The following MYPOP variants were observed in gnomAD, a reference collection of about 807,000 sequenced individuals.
The protein encoded by MYPOP is Myb related transcription factor, partner of profilin.
A neutral mutation model predicts 25.7 loss-of-function variants in MYPOP; 21 were observed. The ratio of observed to expected loss-of-function variants is 0.82; its 90% CI spans 0.58 to 1.18. MYPOP has a LOEUF of 1.18. MYPOP is among the 50% of genes most tolerant of loss of function. The pLI is 0.00. For missense variants in MYPOP, 566 were observed against 588.3 expected (o/e 0.96, Z 0.39); for synonymous variants, 280 against 247.9 (o/e 1.13, Z -1.22).
Position 45,901,206 on chromosome 19 carries a change from A to C in MYPOP, c.499+69T>G. ...AGCATCCACCTCACAGGGCTGCAGC[A>C]AGGCTTTGATGAGACATGTAAAAGG... On this transcript the variant is annotated intron_variant, in intron 2 of 2. Transcript: ENST00000322217. The surrounding 1 kb of genome is among the most constrained non-coding windows in gnomAD (Gnocchi z 5.7). The C allele has an allele frequency of 1.5e-6, 2 of 1,344,886 alleles. No individual in the cohort carries two copies. Among genetic ancestry groups the C allele is most frequent in the Non-Finnish European group, 1.9e-6 (2 of 1,036,074 alleles). 83.3% of individuals were successfully genotyped at this position (1,344,886 alleles called of 1,614,324 possible). A position where few individuals can be genotyped will look rare whatever the true frequency, so the allele number is the denominator to read the frequency against.
chr19:45,890,882 G>T lies in MYPOP; in HGVS notation c.941C>A (p.Pro314Gln). The T allele has an allele frequency of 7.0e-7, 1 of 1,425,604 alleles. No individual in the cohort carries two copies. The highest frequency in any genetic ancestry group is 9.2e-7 in the Non-Finnish European group (1 of 1,090,626). 88.3% of individuals were successfully genotyped at this position (1,425,604 alleles called of 1,614,324 possible). A position where few individuals can be genotyped will look rare whatever the true frequency, so the allele number is the denominator to read the frequency against. ...DSLPPPLPPP[P>Q]PPPPPPRPVL... The stretch of plus-strand genomic sequence containing the variant: ...AGGCCTGGGAGGTGGCGGTGGGGGT[G>T]GGGGTGGGGGCAGAGGTGGAGGCAG... Residue 314 changes from proline to glutamine, a missense_variant, in exon 3 of 3, where the codon CCA becomes CAA. Transcript: ENST00000322217.
In MYPOP at chr19:45,901,352, G is replaced by C. The variant is rs1404519514; in HGVS notation, c.422C>G (p.Ser141Cys). Residue 141 changes from serine to cysteine, a missense_variant, in exon 2 of 3, where the codon TCT becomes TGT. Coordinates refer to ENST00000322217, the MANE Select transcript of MYPOP (RefSeq NM_001012643.4). The surrounding 1 kb of genome is among the most constrained non-coding windows in gnomAD (Gnocchi z 5.7). ...AGAEEPPAAP[S>C]SQPPPPSACP... ...GGCGCTTGGGGGCGGCGGCTGTGAA[G>C]AGGGGGCCGCAGGGGGCTCCTCCGC... is the stretch of plus-strand genomic sequence containing the variant. 21 of 1,463,698 alleles carry C rather than the reference G, an allele frequency of 1.4e-5. No individual in the cohort carries two copies. Among genetic ancestry groups the C allele is most frequent in the Non-Finnish European group, 1.5e-5 (17 of 1,109,074 alleles). The allele number at this position is 1,463,698 out of a possible 1,614,324, so 90.7% of individuals were successfully genotyped here.
Position 45,901,953 on chromosome 19 carries a change from C to A in MYPOP, c.-52-128G>T, listed in dbSNP as rs1967304906. 1 of 414,358 alleles carries A rather than the reference C, an allele frequency of 2.4e-6. No homozygotes were observed. The allele number at this position is 414,358 out of a possible 1,614,324, so 25.7% of individuals were successfully genotyped here. On this transcript the variant is annotated intron_variant, in intron 1 of 2. Coordinates refer to ENST00000322217, the MANE Select transcript of MYPOP (RefSeq NM_001012643.4). This position sits in a 1 kb window ranked among gnomAD's most constrained non-coding sequence, Gnocchi z 5.7. The stretch of plus-strand genomic sequence containing the variant: ...AGTGGGGGCGGGGGGCGGGCGGGGG[C>A]GACGGGCACCCGGGTAAGTCGGAAG...
At chr19:45,896,670 C>G (rs1020041074) in intron 2 of MYPOP, among the ~76,000 whole-genome samples, 1 of 148,804 alleles carries the variant, frequency 6.7e-6, no homozygotes, top group African/African-American at 2.5e-5. Context: ...CCAGGCCGGA[C>G]TGCGGACTGC....
At position 45,901,392 on chromosome 19, in the gene MYPOP, C is replaced by T. The variant is rs1967290501; in HGVS notation, c.382G>A (p.Gly128Arg). Residue 128 changes from glycine to arginine, a missense_variant, in exon 2 of 3, where the codon GGG (glycine) becomes AGG (arginine). Transcript: ENST00000322217. This position sits in a 1 kb window ranked among gnomAD's most constrained non-coding sequence, Gnocchi z 5.7. ...GGCTCCTCCGCCCCAGCACCTGCCC[C>T]CGGCGCCGCCACACCTGGCCCCAGG... is the stretch of plus-strand genomic sequence containing the variant. ...AILGPGVAAP[G>R]AGAGAEEPPA... The T allele has an allele frequency of 1.3e-6, 2 of 1,518,976 alleles. No homozygotes were observed. The highest frequency in any genetic ancestry group is 1.4e-5 in the African/African-American group (1 of 71,254). The allele number at this position is 1,518,976 out of a possible 1,614,324, so 94.1% of individuals were successfully genotyped here.
At position 45,901,444 on chromosome 19, in the gene MYPOP, G is replaced by A. The variant is rs765637515; in HGVS notation, c.330C>T (p.Ser110=). The change falls in exon 2 of 3, where the codon TCC becomes TCT. Residue 110 remains serine, a synonymous_variant. Coordinates refer to ENST00000322217, the MANE Select transcript of MYPOP (RefSeq NM_001012643.4). The surrounding 1 kb of genome is among the most constrained non-coding windows in gnomAD (Gnocchi z 5.7). The part of the protein sequence containing the change: ...GAGPAAEDAF[S]AEEETIFAIL... ...TGGCAAAAATGGTCTCCTCTTCCGC[G>A]GAGAAAGCGTCCTCCGCGGCGGGCC... 6.9e-6 allele frequency: 11 copies of A among 1,592,516 alleles called. No individual in the cohort carries two copies. The Admixed American group carries it at 1.9e-4, about 28-fold the overall frequency.
In MYPOP at chr19:45,901,315, G is replaced by C. The variant is rs759116660; in HGVS notation, c.459C>G (p.Arg153=). Reference sequence around the variant, plus strand: ...CCCGGCGGTCTTCCGACAACACGTAGCGCTGAGGGCAGGCGCTTGGGGGCG... The same window carrying C: ...CCCGGCGGTCTTCCGACAACACGTACCGCTGAGGGCAGGCGCTTGGGGGCG... ...QPPPPSACPQ[R]YVLSEDRRED... Residue 153 remains arginine, a synonymous_variant, in exon 2 of 3, where the codon CGC becomes CGG. Coordinates refer to ENST00000322217, the MANE Select transcript of MYPOP (RefSeq NM_001012643.4). This position sits in a 1 kb window ranked among gnomAD's most constrained non-coding sequence, Gnocchi z 5.7. The C allele has an allele frequency of 2.1e-6, 3 of 1,461,006 alleles. No individual in the cohort carries two copies. The highest frequency in any genetic ancestry group is 1.8e-4 in the Middle Eastern group (1 of 5,580). 90.5% of individuals were successfully genotyped at this position (1,461,006 alleles called of 1,614,324 possible).
intron 2 of MYPOP, among the ~76,000 whole-genome samples, chr19:45,900,431 A>C: frequency 2.0e-5 from 3 of 148,166 alleles, no homozygotes; most frequent in East Asian, 2.0e-4. Flanking sequence ...CCCCTCCTCC[A>C]GGAAGCCCTC....
At chr19:45,896,700 AC>A (rs1967210310) in intron 2 of MYPOP, among the ~76,000 whole-genome samples, 1 of 145,074 alleles carries the variant, frequency 6.9e-6, no homozygotes, top group African/African-American at 2.6e-5. Context: ...ATCTCGGCTC[AC>A]TGCAAGCTCC....
chr19:45,890,730 C>T lies in MYPOP; in HGVS notation c.1093G>A (p.Ala365Thr). 4 of 1,575,592 alleles carry T rather than the reference C, an allele frequency of 2.5e-6. No individual in the cohort carries two copies. Among genetic ancestry groups the T allele is most frequent in the African/African-American group, 2.7e-5 (2 of 73,954 alleles). ...VIIAPRSEEGAPRPPPAPLPP... is the reference protein window; with the variant it reads ...VIIAPRSEEGTPRPPPAPLPP... ...AGCGGGGCTGGGGGGGGCCGGGGTG[C>T]CCCCTCCTCGCTCCTTGGGGCAATG... Residue 365 changes from alanine to threonine, a missense_variant, in exon 3 of 3, where the codon GCA (alanine) becomes ACA (threonine). Physicochemically the swap from Ala to Thr is moderately conservative, Grantham distance 58. Coordinates refer to ENST00000322217, the MANE Select transcript of MYPOP (RefSeq NM_001012643.4).
rs188901568 is a variant in MYPOP at position 45,897,553 on chromosome 19, G to A, written c.499+3722C>T. ...AGGAGTCACAGCAGTGCCCCTGCAA[G>A]AGTTTGTTTTTGGTTGTTTTGAGGA... On this transcript the variant is annotated intron_variant, in intron 2 of 2. Transcript: ENST00000322217. 3.0e-3 allele frequency among the ~76,000 whole-genome samples: 462 copies of A among 152,250 alleles called. 2 individuals carry two copies. Among genetic ancestry groups the A allele is most frequent in the African/African-American group, 0.01 (428 of 41,552 alleles).
intron 2 of MYPOP, among the ~76,000 whole-genome samples, chr19:45,892,743 A>T (rs1022035413): frequency 6.6e-6 from 1 of 152,062 alleles, no homozygotes; most frequent in Non-Finnish European, 1.5e-5. Flanking sequence ...AATTAAATAC[A>T]TACAACTTCT....
In MYPOP at chr19:45,890,713, T is replaced by TGGGGGGGGGGGGGGGGGGGGG. The variant is rs746192154; in HGVS notation, c.1109_1110insCCCCCCCCCCCCCCCCCCCCC (p.Pro370_Ala371insProProProProProProPro). ...GGGAGTCGTGCGGAGGGAGCGGGGC[T>TGGGGGGGGGGGGGGGGGGGGG]GGGGGGGGCCGGGGTGCCCCCTCCT... On this transcript the variant is annotated inframe_insertion, in exon 3 of 3. Coordinates refer to ENST00000322217, the MANE Select transcript of MYPOP (RefSeq NM_001012643.4). 2 of 264,568 alleles carry TGGGGGGGGGGGGGGGGGGGGG rather than the reference T, an allele frequency of 7.6e-6. No homozygotes were observed. The highest frequency in any genetic ancestry group is 6.4e-6 in the Non-Finnish European group (1 of 156,782). The allele number at this position is 264,568 out of a possible 1,614,324, so 16.4% of individuals were successfully genotyped here.
chr19:45,901,788 C>A lies in MYPOP; in HGVS notation c.-15G>T. The A allele has an allele frequency of 7.1e-7, 1 of 1,418,220 alleles. No individual in the cohort carries two copies. The highest frequency in any genetic ancestry group is 3.0e-5 in the Admixed American group (1 of 33,424). The allele number at this position is 1,418,220 out of a possible 1,614,324, so 87.9% of individuals were successfully genotyped here. A position where few individuals can be genotyped will look rare whatever the true frequency, so the allele number is the denominator to read the frequency against. The stretch of plus-strand genomic sequence containing the variant: ...GCCGAGGCCATGGCGCCCCCCGACG[C>A]CGCCGTCCTGCCGTCTGGCGCATGG... On this transcript the variant is annotated 5_prime_UTR_variant, in exon 2 of 3. Transcript: ENST00000322217. This position sits in a 1 kb window ranked among gnomAD's most constrained non-coding sequence, Gnocchi z 5.7.
At chr19:45,898,637 T>C (rs1428081196) in intron 2 of MYPOP, among the ~76,000 whole-genome samples, 1 of 152,064 alleles carries the variant, frequency 6.6e-6, no homozygotes, top group Non-Finnish European at 1.5e-5. Context: ...CTGTGTAAGA[T>C]TCTAATCGAG....
At chr19:45,895,348 C>T (rs962766694) in intron 2 of MYPOP, among the ~76,000 whole-genome samples, 1 of 151,866 alleles carries the variant, frequency 6.6e-6, no homozygotes, top group African/African-American at 2.4e-5. Context: ...TGGGCTCAAG[C>T]GATTCTCTCA....
At chr19:45,895,733 C>A (rs1212927537) in intron 2 of MYPOP, among the ~76,000 whole-genome samples, 1 of 152,184 alleles carries the variant, frequency 6.6e-6, no homozygotes, top group Admixed American at 6.6e-5. Context: ...GAGTGCCCAG[C>A]ACCCACAGGA....
Position 45,890,703 on chromosome 19 carries a change from G to A in MYPOP, c.1120C>T (p.Pro374Ser). The stretch of plus-strand genomic sequence containing the variant: ...TTGTGTGGGGGGGAGTCGTGCGGAG[G>A]GAGCGGGGCTGGGGGGGGCCGGGGT... ...GAPRPPPAPL[P>S]PHDSPPHKRR... Residue 374 changes from proline (P) to serine (S), a missense_variant, in exon 3 of 3, where the codon CCT becomes TCT. Coordinates refer to ENST00000322217, the MANE Select transcript of MYPOP (RefSeq NM_001012643.4). The A allele has an allele frequency of 6.3e-7, 1 of 1,595,922 alleles. No homozygotes were observed. Among genetic ancestry groups the A allele is most frequent in the Non-Finnish European group, 8.5e-7 (1 of 1,170,740 alleles).
chr19:45,891,388 C>T (rs1967124121), intron 2 of MYPOP, 65 bp from the exon 3 acceptor site: 1 of 1,408,210 alleles, frequency 7.1e-7, no homozygotes, highest in African/African-American at 1.5e-5. Flanking sequence ...TTCCCCTTTC[C>T]CACTCCTTCC....
Sources: allele counts gnomAD v4.1 joint callset (sites outside exome capture counted in the v4.1 genomes callset), GRCh38; gene constraint gnomAD v4.1.1; non-coding constraint Gnocchi (gnomAD v3.1); transcripts MANE v1.5; gene names NCBI Gene and HGNC (gene_info 2026-07-23, HGNC 2026-07-21).